Variants in EBF2 observed in about 807,000 individuals in gnomAD.
EBF2 encodes the protein EBF transcription factor 2, also known as transcription factor COE2.
Under a neutral mutation model 72.8 loss-of-function variants are expected in EBF2, and 21 were observed. The ratio of observed to expected loss-of-function variants is 0.29; its 90% CI spans 0.20 to 0.42. The LOEUF (loss-of-function observed/expected upper bound fraction) is 0.42. Among genes scored for constraint, EBF2 ranks in the 10% least tolerant of loss-of-function variants. The pLI is 1.00. For missense variants in EBF2, 637 were observed against 731.2 expected, an observed-to-expected ratio of 0.87 and a Z score of 1.49; for synonymous variants, 299 against 274.2, an observed-to-expected ratio of 1.09 and a Z score of -0.89.
At chr8:26,034,866 G>A (rs918615046) in intron 5 of EBF2, among the ~76,000 whole-genome samples, 1 of 152,212 alleles carries the variant, frequency 6.6e-6, no homozygotes, top group Non-Finnish European at 1.5e-5. Context: ...TGATACCTTA[G>A]GAAGATTGCT....
intron 6 of EBF2, among the ~76,000 whole-genome samples, chr8:26,021,066 G>A (rs1214922859): frequency 6.6e-6 from 1 of 152,128 alleles, no homozygotes; most frequent in Non-Finnish European, 1.5e-5. Context: ...TAAACAAAGG[G>A]TTTTAGGGAA....
intron 6 of EBF2, among the ~76,000 whole-genome samples, chr8:25,922,964 A>C (rs572491392): frequency 1.8e-4 from 27 of 152,074 alleles, no homozygotes; most frequent in Non-Finnish European, 3.4e-4. Flanking sequence ...GAAAAAAAAA[A>C]AAAAATTCAT....
At chr8:25,987,949 G>GT (rs754437442) in intron 6 of EBF2, among the ~76,000 whole-genome samples, 3 of 152,106 alleles carry the variant, frequency 2.0e-5, no homozygotes, top group East Asian at 1.9e-4. Flanking sequence ...AATTTGCTAG[G>GT]TTTTTTATAG....
At chr8:25,983,881 C>T (rs1217797269) in intron 6 of EBF2, among the ~76,000 whole-genome samples, 2 of 152,358 alleles carry the variant, frequency 1.3e-5, no homozygotes, top group East Asian at 3.9e-4. Context: ...TTTATCCTTC[C>T]ACGTCAGTGG....
At chr8:25,896,139 G>A (rs1237978713) in intron 7 of EBF2, among the ~76,000 whole-genome samples, 2 of 152,216 alleles carry the variant, frequency 1.3e-5, no homozygotes, top group African/African-American at 4.8e-5. Flanking sequence ...AATGAAAAAT[G>A]TGTGGAATCA....
At chr8:25,866,221 C>G (rs1424321096) in intron 10 of EBF2, among the ~76,000 whole-genome samples, 1 of 151,562 alleles carries the variant, frequency 6.6e-6, no homozygotes, top group Non-Finnish European at 1.5e-5. Context: ...CTAAAACTTC[C>G]CAAACAATGC....
intron 14 of EBF2, among the ~76,000 whole-genome samples, chr8:25,852,045 T>A (rs1801988856): frequency 6.6e-6 from 1 of 152,180 alleles, no homozygotes; most frequent in Admixed American, 6.5e-5. Context: ...TCTAAAAACA[T>A]CTTATCCTTA....
chr8:25,868,953 G>A (rs1181091406), intron 10 of EBF2, among the ~76,000 whole-genome samples: 1 of 151,964 alleles, frequency 6.6e-6, no homozygotes, highest in Non-Finnish European at 1.5e-5. Context: ...ATTTCAAGCT[G>A]ATTTACTATT....
At chr8:26,016,593 G>T (rs988485088) in intron 6 of EBF2, among the ~76,000 whole-genome samples, 1 of 152,164 alleles carries the variant, frequency 6.6e-6, no homozygotes, top group Admixed American at 6.5e-5. Context: ...GCATGGGTGA[G>T]ATTTCACCTT....
intron 6 of EBF2, among the ~76,000 whole-genome samples, chr8:26,030,854 G>A (rs548132516): frequency 1.3e-5 from 2 of 152,280 alleles, no homozygotes; most frequent in South Asian, 2.1e-4. Context: ...AGAATTTAAA[G>A]CATGCTAGCA....
chr8:25,989,937 G>C (rs941684684), intron 6 of EBF2, among the ~76,000 whole-genome samples: 7 of 152,152 alleles, frequency 4.6e-5, no homozygotes, highest in Non-Finnish European at 1.0e-4. Context: ...TCAACTTCTA[G>C]AGCCTAAAGC....
intron 7 of EBF2, among the ~76,000 whole-genome samples, chr8:25,904,997 A>G (rs1803011829): frequency 6.6e-6 from 1 of 152,210 alleles, no homozygotes; most frequent in South Asian, 2.1e-4. Flanking sequence ...CAGCTCAACA[A>G]TAAAATGACA....
intron 6 of EBF2, among the ~76,000 whole-genome samples, chr8:25,993,250 A>G (rs1258391216): frequency 6.6e-6 from 1 of 152,176 alleles, no homozygotes; most frequent in African/African-American, 2.4e-5. Flanking sequence ...TGCAAATGAG[A>G]CATCACTGAA....
intron 7 of EBF2, among the ~76,000 whole-genome samples, chr8:25,892,208 A>G (rs1802794228): frequency 6.6e-6 from 1 of 152,252 alleles, no homozygotes; most frequent in South Asian, 2.1e-4. Context: ...TTGAAATAGA[A>G]CAATTATAAA....
intron 6 of EBF2, among the ~76,000 whole-genome samples, chr8:26,003,528 G>A (rs1309236066): frequency 6.6e-6 from 1 of 152,156 alleles, no homozygotes; most frequent in Non-Finnish European, 1.5e-5. Context: ...CAGGACAATG[G>A]AGCTTGTACC....
intron 6 of EBF2, among the ~76,000 whole-genome samples, chr8:25,961,664 A>G (rs939168833): frequency 6.6e-6 from 1 of 152,218 alleles, no homozygotes; most frequent in African/African-American, 2.4e-5. Context: ...CCCAGCCCTA[A>G]TGTGAGGTGT....
chr8:26,010,252 G>C (rs1804954959), intron 6 of EBF2, among the ~76,000 whole-genome samples: 1 of 152,142 alleles, frequency 6.6e-6, no homozygotes, highest in Non-Finnish European at 1.5e-5. Flanking sequence ...AGTGTCTGCT[G>C]TTATTGGTCT....
chr8:25,946,814 T>C (rs963553901), intron 6 of EBF2, among the ~76,000 whole-genome samples: 48 of 152,200 alleles, frequency 3.2e-4, no homozygotes, highest in African/African-American at 1.1e-3. Context: ...TGTTTTTCAA[T>C]AAATGTATTC....
intron 10 of EBF2, among the ~76,000 whole-genome samples, chr8:25,877,122 A>T (rs1487907524): frequency 6.6e-6 from 1 of 152,168 alleles, no homozygotes; most frequent in Non-Finnish European, 1.5e-5. Context: ...CAGATTTTAC[A>T]ATTAGAGACA....
Sources: gnomAD v4.1 joint callset for allele counts (sites outside exome capture counted in the v4.1 genomes callset) on GRCh38, gnomAD v4.1.1 for gene constraint, MANE v1.5 for transcripts, NCBI Gene and HGNC (gene_info 2026-07-23, HGNC 2026-07-21) for gene names.